The following TLCD2 variants were observed in gnomAD, a reference collection of about 807,000 sequenced individuals.
The protein encoded by TLCD2 is TLC domain containing 2.
A neutral mutation model predicts 14.0 loss-of-function variants in TLCD2; 12 were observed. That is an observed-to-expected ratio of 0.86 (90% CI 0.55 to 1.39). The LOEUF (loss-of-function observed/expected upper bound fraction) is 1.39, where lower values mean the gene tolerates loss of function less well. TLCD2 is among the 40% of genes most tolerant of loss of function. TLCD2 has a pLI of 0.00. For synonymous variants in TLCD2, 166 were observed against 156.5 expected, an observed-to-expected ratio of 1.06 and a Z score of -0.45; for missense variants, 360 against 346.8, an observed-to-expected ratio of 1.04 and a Z score of -0.30.
At position 1,707,997 on chromosome 17, in the gene TLCD2, G is replaced by A. The variant is rs868219602; in HGVS notation, c.568C>T (p.Arg190Trp). The change falls in exon 4 of 4, where the codon CGG (arginine) becomes TGG (tryptophan). Residue 190 changes from arginine to tryptophan, a missense_variant. Coordinates refer to ENST00000330676, the MANE Select transcript of TLCD2 (RefSeq NM_001164407.2). ...PLGWMSLWLF[R>W]QHHQVPLALV... ...GCAAGAGGAACCTGGTGGTGCTGCC[G>A]GAACAGCCACAGACTCATCCACCCC... 2.0e-5 allele frequency: 31 copies of A among 1,537,122 alleles called. No individual in the cohort carries two copies. Among genetic ancestry groups the A allele is most frequent in the African/African-American group, 9.6e-5 (7 of 73,042 alleles).
intron 1 of TLCD2, 61 bp from the exon 2 acceptor site, chr17:1,709,947 C>T: frequency 6.6e-7 from 1 of 1,513,284 alleles, no homozygotes; most frequent in Non-Finnish European, 8.8e-7. Flanking sequence ...GCCCCGGCCG[C>T]AGTCTCCCTG....
chr17:1,709,841 G>A lies in TLCD2; in HGVS notation c.222C>T (p.His74=). The change falls in exon 2 of 4, where the codon CAC becomes CAT. Residue 74 remains histidine, a synonymous_variant. Transcript: ENST00000330676. The part of the protein sequence containing the change: ...PQMAADPIHG[H]PRWALVLVAV... The stretch of plus-strand genomic sequence containing the variant: ...CCACCAGCACCAGAGCCCAGCGCGG[G>A]TGGCCATGGATGGGGTCGGCGGCCA... 4 of 1,535,364 alleles carry A rather than the reference G, an allele frequency of 2.6e-6. No homozygotes were observed. Among genetic ancestry groups the A allele is most frequent in the Non-Finnish European group, 2.6e-6 (3 of 1,146,660 alleles).
In TLCD2 at chr17:1,707,157, A is replaced by T. The variant is rs1914059022; in HGVS notation, c.*613T>A. The T allele has an allele frequency of 6.6e-6, 1 of 152,036 alleles. No homozygotes were observed. The allele number at this position is 152,036 out of a possible 1,614,324, so 9.4% of individuals were successfully genotyped here. A position where few individuals can be genotyped will look rare whatever the true frequency, so the allele number is the denominator to read the frequency against. ...ACTCCAGCCTGGGTGACAGAGTAAG[A>T]TTCCGTCTCATAAAAAAAAAGAAAA... On this transcript the variant is annotated 3_prime_UTR_variant, in exon 4 of 4. Coordinates refer to ENST00000330676, the MANE Select transcript of TLCD2 (RefSeq NM_001164407.2).
Position 1,703,857 on chromosome 17 carries a change from C to T in TLCD2, c.*3913G>A, listed in dbSNP as rs1171376451. The T allele has an allele frequency of 3.9e-5, 6 of 152,032 alleles. No individual in the cohort carries two copies. Among genetic ancestry groups the T allele is most frequent in the South Asian group, 2.1e-4 (1 of 4,830 alleles). 9.4% of individuals were successfully genotyped at this position (152,032 alleles called of 1,614,324 possible). On this transcript the variant is annotated 3_prime_UTR_variant, in exon 4 of 4. Coordinates refer to ENST00000330676, the MANE Select transcript of TLCD2 (RefSeq NM_001164407.2). ...TTCTTTAAAAACTCAAGGCAGACAA[C>T]ATTTTTGTTAATCAAGGCATTCAGT... is the stretch of plus-strand genomic sequence containing the variant.
rs1202100314 is a variant in TLCD2, at chr17:1,708,198, C to G, written c.367G>C (p.Val123Leu). 1 of 1,532,570 alleles carries G rather than the reference C, an allele frequency of 6.5e-7. No individual in the cohort carries two copies. The highest frequency in any genetic ancestry group is 1.2e-5 in the South Asian group (1 of 83,678). 94.9% of individuals were successfully genotyped at this position (1,532,570 alleles called of 1,614,324 possible). Residue 123 changes from valine (V) to leucine (L), a missense_variant, in exon 4 of 4, where the codon GTT (valine) becomes CTT (leucine). Physicochemically the swap from Val to Leu is conservative, Grantham distance 32. Coordinates refer to ENST00000330676, the MANE Select transcript of TLCD2 (RefSeq NM_001164407.2). ...LVVVSCLSTA[V>L]LSGHYVGFSM... Reference sequence around the variant, plus strand: ...AAGCCCACGTAGTGGCCAGACAGAACAGCGGTGCTGAGGCAGCTCACCACC... The same window carrying G: ...AAGCCCACGTAGTGGCCAGACAGAAGAGCGGTGCTGAGGCAGCTCACCACC...
rs1914081762 is a variant in TLCD2, at chr17:1,707,809, A to G, written c.756T>C (p.Pro252=). The G allele has an allele frequency of 1.3e-6, 2 of 1,515,432 alleles. No homozygotes were observed. The highest frequency in any genetic ancestry group is 4.9e-5 in the East Asian group (2 of 40,676). 93.9% of individuals were successfully genotyped at this position (1,515,432 alleles called of 1,614,324 possible). Residue 252 remains proline (P), a synonymous_variant, in exon 4 of 4, where the codon CCT becomes CCC. Transcript: ENST00000330676. The part of the protein sequence containing the change: ...RGTRTRRDNG[P]VTSNSSTLSL... ...TGAGAGTCGAACTGTTGCTGGTGAC[A>G]GGTCCATTGTCACGACGTGTCCTGG...
In TLCD2 at chr17:1,710,041, TGCGCCTCGA is replaced by T; in HGVS notation, c.176+17_176+25del. 1.3e-6 allele frequency: 2 copies of T among 1,530,632 alleles called. No individual in the cohort carries two copies. The highest frequency in any genetic ancestry group is 2.4e-5 in the South Asian group (2 of 83,710). 94.8% of individuals were successfully genotyped at this position (1,530,632 alleles called of 1,614,324 possible). A position where few individuals can be genotyped will look rare whatever the true frequency, so the allele number is the denominator to read the frequency against. Reference sequence around the variant, plus strand: ...CCTCCCACCCCTCGCCCTCGCCCCGTGCGCCTCGAGCCCCCAAGCCCGCACCCGAGCAGC... The same window carrying T: ...CCTCCCACCCCTCGCCCTCGCCCCGTGCCCCCAAGCCCGCACCCGAGCAGC... On this transcript the variant is annotated intron_variant, in intron 1 of 3. Transcript: ENST00000330676. This position sits in a 1 kb window ranked among gnomAD's most constrained non-coding sequence, Gnocchi z 6.1.
At chr17:1,709,937 G>A (rs1796267520) in intron 1 of TLCD2, 51 bp from the exon 2 acceptor site, 4 of 1,513,666 alleles carry the variant, frequency 2.6e-6, no homozygotes, top group Non-Finnish European at 3.5e-6. Context: ...GCCTCTCGAG[G>A]CCCCGGCCGC....
Position 1,709,407 on chromosome 17 carries a change from A to C in TLCD2, c.342+92T>G, listed in dbSNP as rs2151145653. Reference sequence around the variant, plus strand: ...TCCGTCTCAAAAAAAAAAAAAAAAAAAAAAAAAAAGAATGAGGAGAGACTG... The same window carrying C: ...TCCGTCTCAAAAAAAAAAAAAAAAACAAAAAAAAAGAATGAGGAGAGACTG... On this transcript the variant is annotated intron_variant, in intron 3 of 3. Coordinates refer to ENST00000330676, the MANE Select transcript of TLCD2 (RefSeq NM_001164407.2). 7.3e-6 allele frequency: 6 copies of C among 821,276 alleles called. No homozygotes were observed. The South Asian group carries it at 1.1e-4, about 15-fold the overall frequency. The allele number at this position is 821,276 out of a possible 1,614,324, so 50.9% of individuals were successfully genotyped here.
chr17:1,708,442 T>C (rs976526004), intron 3 of TLCD2, among the ~76,000 whole-genome samples: 1 of 143,262 alleles, frequency 7.0e-6, no homozygotes. Context: ...TCTCACCCCC[T>C]AATACCCCCT....
chr17:1,710,081 G>T lies in TLCD2; in HGVS notation c.162C>A (p.Thr54=), dbSNP rs1468755461. Residue 54 remains threonine, a synonymous_variant, in exon 1 of 4, where the codon ACC becomes ACA. Coordinates refer to ENST00000330676, the MANE Select transcript of TLCD2 (RefSeq NM_001164407.2). This position sits in a 1 kb window ranked among gnomAD's most constrained non-coding sequence, Gnocchi z 6.1. ...CAAGCCCGCACCCGAGCAGCGCCCC[G>T]GTCCCCGAGAGCAGGCTGTGCGCCA... The part of the protein sequence containing the change: ...VSLAHSLLSG[T]GALLGLSLYP... 2 of 1,532,894 alleles carry T rather than the reference G, an allele frequency of 1.3e-6. No homozygotes were observed. The highest frequency in any genetic ancestry group is 2.4e-5 in the East Asian group (1 of 40,898). The allele number at this position is 1,532,894 out of a possible 1,614,324, so 95.0% of individuals were successfully genotyped here. A position where few individuals can be genotyped will look rare whatever the true frequency, so the allele number is the denominator to read the frequency against.
chr17:1,709,252 T>C (rs978288013), intron 3 of TLCD2, among the ~76,000 whole-genome samples: 2 of 151,372 alleles, frequency 1.3e-5, no homozygotes, highest in South Asian at 2.1e-4. Context: ...TACTTGGGCG[T>C]GGTGGCGGGT....
chr17:1,710,324 T>G lies in TLCD2; in HGVS notation c.-82A>C. On this transcript the variant is annotated 5_prime_UTR_variant, in exon 1 of 4. Coordinates refer to ENST00000330676, the MANE Select transcript of TLCD2 (RefSeq NM_001164407.2). This position sits in a 1 kb window ranked among gnomAD's most constrained non-coding sequence, Gnocchi z 6.1. ...TCTCGGCCGGGACTGGGAACCCGTT[T>G]CCCGGCAGGGCTGGGGCCCCGGCTC... The G allele has an allele frequency of 7.6e-7, 1 of 1,316,444 alleles. No homozygotes were observed. Among genetic ancestry groups the G allele is most frequent in the Non-Finnish European group, 9.9e-7 (1 of 1,012,192 alleles). 81.5% of individuals were successfully genotyped at this position (1,316,444 alleles called of 1,614,324 possible).
chr17:1,707,879 G>A lies in TLCD2; in HGVS notation c.686C>T (p.Ser229Phe), dbSNP rs1264500323. The change falls in exon 4 of 4, where the codon TCT (serine) becomes TTT (phenylalanine). Residue 229 changes from serine (S) to phenylalanine (F), a missense_variant. Physicochemically the swap from Ser to Phe is radical, Grantham distance 155. Coordinates refer to ENST00000330676, the MANE Select transcript of TLCD2 (RefSeq NM_001164407.2). ...IRILVNDVLQSRPHPPSPGHE... is the reference protein window; with the variant it reads ...IRILVNDVLQFRPHPPSPGHE... ...GCCAGGGCTGGGTGGATGGGGTCGA[G>A]ACTGTAGGACATCATTGACCAGAAT... 1 of 1,537,172 alleles carries A rather than the reference G, an allele frequency of 6.5e-7. No homozygotes were observed. Among genetic ancestry groups the A allele is most frequent in the Non-Finnish European group, 8.7e-7 (1 of 1,146,926 alleles).
chr17:1,708,284 A>T, intron 3 of TLCD2, 62 bp from the exon 4 acceptor site: 1 of 1,318,860 alleles, frequency 7.6e-7, no homozygotes, highest in Non-Finnish European at 1.0e-6. Context: ...TGTCCCAATA[A>T]CCCAGGCCTG....
rs896026125 is a variant in TLCD2, at chr17:1,709,696, T to C, written c.259+108A>G. On this transcript the variant is annotated intron_variant, in intron 2 of 3. Coordinates refer to ENST00000330676, the MANE Select transcript of TLCD2 (RefSeq NM_001164407.2). ...TTCTTAGTTTTCCCTTGGTAAAGCC[T>C]TCAGGAACGTTTAACCCCCATGGGG... is the stretch of plus-strand genomic sequence containing the variant. 9 of 928,168 alleles carry C rather than the reference T, an allele frequency of 9.7e-6. No individual in the cohort carries two copies. The African/African-American group carries it at 1.5e-4, about 15-fold the overall frequency. 57.5% of individuals were successfully genotyped at this position (928,168 alleles called of 1,614,324 possible).
intron 2 of TLCD2, 29 bp from the exon 3 acceptor site, chr17:1,709,610 G>A (rs1290508281): frequency 2.6e-6 from 4 of 1,525,410 alleles, no homozygotes; most frequent in African/African-American, 1.4e-5. Flanking sequence ...GGGTTAGGCT[G>A]CTCCAGAGCC....
chr17:1,709,550 C>G lies in TLCD2; in HGVS notation c.291G>C (p.Leu97=). The G allele has an allele frequency of 6.5e-7, 1 of 1,537,146 alleles. No homozygotes were observed. Among genetic ancestry groups the G allele is most frequent in the Non-Finnish European group, 8.7e-7 (1 of 1,146,890 alleles). ...AGGTCTTGCCCAAGGTCTGGTTCCA[C>G]AGCAGGTCAGCTCCGTCTGCCAGGA... is the stretch of plus-strand genomic sequence containing the variant. ...GYFLADGADL[L]WNQTLGKTWD... Residue 97 remains leucine, a synonymous_variant, in exon 3 of 4, where the codon CTG becomes CTC. Transcript: ENST00000330676.
chr17:1,708,448 C>T (rs923528162), intron 3 of TLCD2, among the ~76,000 whole-genome samples: 16 of 149,706 alleles, frequency 1.1e-4, no homozygotes, highest in Admixed American at 8.7e-4. Context: ...CCCCTAATAC[C>T]CCCTTAACCT....
Sources: allele counts gnomAD v4.1 joint callset (sites outside exome capture counted in the v4.1 genomes callset), GRCh38; gene constraint gnomAD v4.1.1; non-coding constraint Gnocchi (gnomAD v3.1); transcripts MANE v1.5; gene names NCBI Gene and HGNC (gene_info 2026-07-23, HGNC 2026-07-21).